AFF3: variants seen among roughly 807,000 people sequenced by gnomAD.
AFF3 encodes ALF transcription elongation factor 3.
AFF3 carries 32 observed loss-of-function variants against 129.7 expected under a neutral mutation model. That is an observed-to-expected ratio of 0.25 (90% CI 0.19 to 0.33). AFF3 has a LOEUF of 0.33. AFF3 is among the 10% of genes least tolerant of loss of function. The pLI, the probability that AFF3 is intolerant of heterozygous loss-of-function variation, is 1.00. For missense variants in AFF3, 1,373 were observed against 1,592.0 expected (o/e 0.86, Z 2.34); for synonymous variants, 644 against 635.4 (o/e 1.01, Z -0.20).
rs1553394547 is a variant in AFF3, at chr2:99,592,935, C to CCG, written c.2466+259_2466+260insCG. Among the ~76,000 whole-genome samples, 19 of 83,612 alleles carry CCG rather than the reference C, an allele frequency of 2.3e-4. No homozygotes were observed. The South Asian group carries it at 3.4e-3, about 15-fold the overall frequency. 54.9% of individuals were successfully genotyped at this position (83,612 alleles called of 152,430 possible). Reference sequence around the variant, plus strand: ...TGGGCGACAGAGTGAGACTCCCTCCCCCCCCCCCAAAAAAAGGGATAATAA... The same window carrying CCG: ...TGGGCGACAGAGTGAGACTCCCTCCCCGCCCCCCCCAAAAAAAGGGATAATAA... On this transcript the variant is annotated intron_variant, in intron 15 of 24. Transcript: ENST00000672756.
intron 7 of AFF3, among the ~76,000 whole-genome samples, chr2:99,900,968 T>C (rs549618693): frequency 1.3e-5 from 2 of 152,342 alleles, no homozygotes; most frequent in African/African-American, 2.4e-5. Context: ...AGTGCAGGAT[T>C]AGCCACAGGC....
intron 7 of AFF3, among the ~76,000 whole-genome samples, chr2:99,962,623 C>A (rs1230492514): frequency 1.3e-5 from 2 of 151,828 alleles, no homozygotes; most frequent in African/African-American, 4.8e-5. Context: ...GAAATAAAAA[C>A]TGACTAGATG....
intron 8 of AFF3, among the ~76,000 whole-genome samples, chr2:99,799,178 A>G (rs1441230071): frequency 6.6e-6 from 1 of 152,070 alleles, no homozygotes; most frequent in Non-Finnish European, 1.5e-5. Flanking sequence ...CAAGTCCTGT[A>G]TATTAAAAAC....
At chr2:100,110,329 G>C (rs1307627986) in intron 2 of AFF3, 1 of 152,198 alleles carries the variant, frequency 6.6e-6, no homozygotes, top group Non-Finnish European at 1.5e-5. Context: ...GGAGTGCTGT[G>C]CTATCTGTGA....
At chr2:99,866,050 C>T (rs1691370153) in intron 7 of AFF3, among the ~76,000 whole-genome samples, 1 of 152,140 alleles carries the variant, frequency 6.6e-6, no homozygotes, top group African/African-American at 2.4e-5. Context: ...AACAGGGCTA[C>T]CTTCTGGACA....
chr2:99,687,251 A>T (rs1675153028), intron 11 of AFF3, among the ~76,000 whole-genome samples: 1 of 152,268 alleles, frequency 6.6e-6, no homozygotes, highest in Non-Finnish European at 1.5e-5. Context: ...TCACCCATGC[A>T]GCCATTTTTA....
At chr2:99,564,416 A>C (rs1002330847) in intron 20 of AFF3, among the ~76,000 whole-genome samples, 4 of 152,094 alleles carry the variant, frequency 2.6e-5, no homozygotes, top group African/African-American at 9.7e-5. Flanking sequence ...TCATTTCATC[A>C]CTACTGAAAG....
chr2:99,831,147 C>T (rs1429270), intron 8 of AFF3, among the ~76,000 whole-genome samples: 141,023 of 152,342 alleles, frequency 0.93, 65,376 homozygotes, highest in East Asian at 1. Flanking sequence ...ATGGTGGCCC[C>T]GGATGGGAAT....
At chr2:99,860,324 T>C (rs1013798768) in intron 7 of AFF3, among the ~76,000 whole-genome samples, 1 of 151,822 alleles carries the variant, frequency 6.6e-6, no homozygotes, top group African/African-American at 2.4e-5. Context: ...GAGGCCGAGG[T>C]GGGCAGATCA....
intron 7 of AFF3, among the ~76,000 whole-genome samples, chr2:99,940,876 A>G (rs1250018035): frequency 6.6e-6 from 1 of 152,060 alleles, no homozygotes; most frequent in Admixed American, 6.5e-5. Context: ...AACCAAAACC[A>G]GAACTAGAAC....
chr2:99,969,535 C>A (rs540567066), intron 7 of AFF3, among the ~76,000 whole-genome samples: 1 of 145,788 alleles, frequency 6.9e-6, no homozygotes, highest in Admixed American at 6.7e-5. Context: ...GTTGCCCAGG[C>A]TGGAGTGCAA....
intron 9 of AFF3, 98 bp from the exon 10 acceptor site, chr2:99,744,238 T>C (rs1213263233): frequency 1.0e-6 from 1 of 1,004,720 alleles, no homozygotes; most frequent in Non-Finnish European, 1.5e-6. Flanking sequence ...TCAGAACCGA[T>C]TCATTGCTCT....
At chr2:99,909,961 C>T (rs1390984687) in intron 7 of AFF3, among the ~76,000 whole-genome samples, 1 of 152,070 alleles carries the variant, frequency 6.6e-6, no homozygotes, top group Non-Finnish European at 1.5e-5. Flanking sequence ...CCCAGTTCCT[C>T]ACAATGTGAC....
intron 11 of AFF3, among the ~76,000 whole-genome samples, chr2:99,719,386 C>A (rs774380103): frequency 2.6e-5 from 4 of 152,076 alleles, no homozygotes; most frequent in Non-Finnish European, 4.4e-5. Context: ...AGTGTTTGTG[C>A]AAACATTGAT....
intron 20 of AFF3, among the ~76,000 whole-genome samples, chr2:99,562,027 T>C (rs1675520282): frequency 6.6e-6 from 1 of 152,236 alleles, no homozygotes; most frequent in African/African-American, 2.4e-5. Flanking sequence ...CAGAGAAGCC[T>C]GCTGTCATTC....
At chr2:99,993,792 CTTTTTTTTTTTT>C (rs751882272) in intron 7 of AFF3, among the ~76,000 whole-genome samples, 17 of 72,550 alleles carry the variant, frequency 2.3e-4, no homozygotes, top group South Asian at 1.0e-3. Context: ...AACACTTTAT[CTTTTTTTTTTTT>C]TTTTTTTTTT....
intron 1 of AFF3, among the ~76,000 whole-genome samples, chr2:100,135,444 A>C (rs1030632786): frequency 6.6e-6 from 1 of 152,182 alleles, no homozygotes; most frequent in Non-Finnish European, 1.5e-5. Context: ...ATCACAATGC[A>C]AAAAGTGCAA....
chr2:99,972,130 T>C (rs1678447510), intron 7 of AFF3, among the ~76,000 whole-genome samples: 1 of 152,174 alleles, frequency 6.6e-6, no homozygotes, highest in Non-Finnish European at 1.5e-5. Context: ...CAGGGGACTA[T>C]AAGATTAGGC....
chr2:99,986,201 AAAT>A (rs35535526), intron 7 of AFF3, among the ~76,000 whole-genome samples: 19,090 of 136,842 alleles, frequency 0.14, 1,400 homozygotes, highest in East Asian at 0.21. Context: ...ACTTCATCTC[AAAT>A]AATAATAATA....
Sources: allele counts gnomAD v4.1 joint callset (sites outside exome capture counted in the v4.1 genomes callset), GRCh38; gene constraint gnomAD v4.1.1; transcripts MANE v1.5; gene names NCBI Gene and HGNC (gene_info 2026-07-23, HGNC 2026-07-21).